SSX3: variants seen among roughly 807,000 people sequenced by gnomAD.
SSX3 encodes the protein protein SSX3.
Under a neutral mutation model 14.8 loss-of-function variants are expected in SSX3, and 6 were observed. The ratio of observed to expected loss-of-function variants is 0.41; its 90% confidence interval spans 0.22 to 0.80. The LOEUF (loss-of-function observed/expected upper bound fraction) is 0.80, where lower values mean the gene tolerates loss of function less well. Among genes scored for constraint, SSX3 ranks in the 30% least tolerant of loss-of-function variants. The probability of loss-of-function intolerance (pLI) is 0.34; values close to 1 mark genes in which losing one functional copy is unlikely to be tolerated. For synonymous variants in SSX3, 55 were observed against 52.9 expected, an observed-to-expected ratio of 1.04 and a Z score of -0.18; for missense variants, 163 against 152.2, an observed-to-expected ratio of 1.07 and a Z score of -0.37.
intron 6 of SSX3, chrX:48,349,552 G>T (rs1192302943): frequency 8.3e-7 from 1 of 1,208,364 alleles, no homozygotes; most frequent in East Asian, 3.0e-5. Flanking sequence ...TATTGCAGTG[G>T]TCTGGAACCG....
At position 48,346,961 on chromosome X, in the gene SSX3, C is replaced by A; in HGVS notation, c.*79G>T. 1.7e-6 allele frequency: 2 copies of A among 1,196,813 alleles called. No individual in the cohort carries two copies. The highest frequency in any genetic ancestry group is 2.2e-6 in the Non-Finnish European group (2 of 894,143). The stretch of plus-strand genomic sequence containing the variant: ...TGCTATGCACCTGATGACGAGGGGT[C>A]CACAGCCATGCCCATGTTCGTGAAA... On this transcript the variant is annotated 3_prime_UTR_variant, in exon 8 of 8. Transcript: ENST00000298396.
intron 6 of SSX3, chrX:48,349,509 T>C (rs1556949128): frequency 1.7e-6 from 2 of 1,206,509 alleles, no homozygotes; most frequent in South Asian, 3.6e-5. Context: ...TTTTATGCAC[T>C]GTCAAACAAA....
chrX:48,350,942 T>C (rs1401212201), intron 5 of SSX3, among the ~76,000 whole-genome samples: 6 of 109,463 alleles, frequency 5.5e-5, no homozygotes, highest in African/African-American at 2.0e-4. Context: ...CACTAAGTTT[T>C]GTATTTTTAG....
rs2061240606 is a variant in SSX3, at chrX:48,346,619, T to A, written c.*421A>T. On this transcript the variant is annotated 3_prime_UTR_variant, in exon 8 of 8. Coordinates refer to ENST00000298396, the MANE Select transcript of SSX3 (RefSeq NM_021014.4). Reference sequence around the variant, plus strand: ...TGTGTGTGTGTGTGTGTGGTGTGGTTTGTGTGTGTGTGTAAATGCAGAGGA... The same window carrying A: ...TGTGTGTGTGTGTGTGTGGTGTGGTATGTGTGTGTGTGTAAATGCAGAGGA... The A allele has an allele frequency of 3.6e-6, 1 of 279,781 alleles. No homozygotes were observed. Among genetic ancestry groups the A allele is most frequent in the African/African-American group, 2.9e-5 (1 of 35,042 alleles). 23.1% of individuals were successfully genotyped at this position (279,781 alleles called of 1,213,427 possible).
At chrX:48,356,003 C>G (rs1556950991) in intron 1 of SSX3, among the ~76,000 whole-genome samples, 1 of 110,760 alleles carries the variant, frequency 9.0e-6, no homozygotes, top group Admixed American at 9.6e-5. Flanking sequence ...ACAGCAAAAC[C>G]CCCGTCTACA....
chrX:48,348,775 A>T (rs2061249041), intron 6 of SSX3, among the ~76,000 whole-genome samples: 1 of 112,611 alleles, frequency 8.9e-6, no homozygotes, highest in Non-Finnish European at 1.9e-5. Flanking sequence ...TCAAATAGAG[A>T]AAGTTTGAGT....
chrX:48,351,458 A>C (rs1556949876), intron 5 of SSX3, among the ~76,000 whole-genome samples: 3 of 112,253 alleles, frequency 2.7e-5, no homozygotes, highest in African/African-American at 9.7e-5. Context: ...CAGAGACCAG[A>C]TGGTCCTTCC....
At chrX:48,350,974 T>G (rs1278571721) in intron 5 of SSX3, among the ~76,000 whole-genome samples, 25 of 109,752 alleles carry the variant, frequency 2.3e-4, no homozygotes, top group African/African-American at 7.6e-4. Flanking sequence ...TTTCACCATG[T>G]TGGGCAGGAT....
rs138992292 is a variant in SSX3 at position 48,355,217 on chromosome X, G to C, written c.33C>G (p.Pro11=). The C allele has an allele frequency of 1.7e-5, 21 of 1,209,565 alleles. No homozygotes were observed. Among genetic ancestry groups the C allele is most frequent in the Non-Finnish European group, 2.3e-5 (21 of 894,981 alleles). Residue 11 remains proline (P), a synonymous_variant, in exon 2 of 8, where the codon CCC becomes CCG. Transcript: ENST00000298396. The part of the protein sequence containing the change: MNGDDTFARR[P]TVGAQIPEKI... ...TCTCTGGTATTTGAGCACCAACCGT[G>C]GGTCTCCTTGCAAAGGTGTCATCTC...
intron 6 of SSX3, among the ~76,000 whole-genome samples, chrX:48,349,051 G>C (rs2061250301): frequency 8.9e-6 from 1 of 112,410 alleles, no homozygotes; most frequent in South Asian, 3.7e-4. Flanking sequence ...CACTGATGAA[G>C]GTGGCTACAC....
At position 48,349,826 on chromosome X, in the gene SSX3, T is replaced by C. The variant is rs1374270212; in HGVS notation, c.466+161A>G. 4 of 1,137,491 alleles carry C rather than the reference T, an allele frequency of 3.5e-6. No homozygotes were observed. In the African/African-American group the frequency reaches 7.4e-5, roughly 21 times the overall value. The allele number at this position is 1,137,491 out of a possible 1,213,427, so 93.7% of individuals were successfully genotyped here. ...TTTTATATGGATGACAACTCCAGTCTGTCTCTGGAAGTCATGTCTAACATC... is the reference window on the plus strand; with the variant it reads ...TTTTATATGGATGACAACTCCAGTCCGTCTCTGGAAGTCATGTCTAACATC... On this transcript the variant is annotated intron_variant, in intron 6 of 7. Coordinates refer to ENST00000298396, the MANE Select transcript of SSX3 (RefSeq NM_021014.4).
At chrX:48,350,397 G>A (rs1171408407) in intron 5 of SSX3, among the ~76,000 whole-genome samples, 2 of 111,545 alleles carry the variant, frequency 1.8e-5, no homozygotes, top group Non-Finnish European at 3.8e-5. Context: ...TTAATTGAGA[G>A]TGTGATATAC....
chrX:48,350,257 T>A (rs2061256538), intron 5 of SSX3, 135 bp from the exon 6 acceptor site: 1 of 981,918 alleles, frequency 1.0e-6, no homozygotes, highest in Non-Finnish European at 1.4e-6. Context: ...CAGGCCTAAA[T>A]TAGGAGAAAC....
chrX:48,351,427 C>G (rs1317311614), intron 5 of SSX3, among the ~76,000 whole-genome samples: 1 of 112,141 alleles, frequency 8.9e-6, no homozygotes, highest in Non-Finnish European at 1.9e-5. Context: ...CTAAGCCATG[C>G]AAGTGGCCCC....
chrX:48,348,599 C>G (rs781789224), intron 6 of SSX3, among the ~76,000 whole-genome samples: 2 of 112,446 alleles, frequency 1.8e-5, no homozygotes, highest in Non-Finnish European at 3.7e-5. Context: ...AAAGCCAAGA[C>G]AGGCTGAAAG....
chrX:48,356,125 C>G lies in SSX3; in HGVS notation c.-21+509G>C, dbSNP rs781816316. Reference sequence around the variant, plus strand: ...GCCCAGGAGCTTGAGACCAGGCTCACAAACGTAGCAAAACCATCTCTACTA... The same window carrying G: ...GCCCAGGAGCTTGAGACCAGGCTCAGAAACGTAGCAAAACCATCTCTACTA... On this transcript the variant is annotated intron_variant, in intron 1 of 7. Coordinates refer to ENST00000298396, the MANE Select transcript of SSX3 (RefSeq NM_021014.4). Among the ~76,000 whole-genome samples, 5 of 112,032 alleles carry G rather than the reference C, an allele frequency of 4.5e-5. No homozygotes were observed. In the South Asian group the frequency reaches 1.9e-3, roughly 42 times the overall value.
intron 5 of SSX3, among the ~76,000 whole-genome samples, chrX:48,351,884 C>T (rs1180627206): frequency 8.9e-6 from 1 of 111,959 alleles, no homozygotes; most frequent in Non-Finnish European, 1.9e-5. Flanking sequence ...ATGTGAACTG[C>T]TTGAAATAGT....
intron 7 of SSX3, 51 bp downstream of exon 7, chrX:48,347,449 C>T: frequency 1.7e-6 from 2 of 1,202,315 alleles, no homozygotes; most frequent in Middle Eastern, 6.5e-4. Flanking sequence ...AGTATCATAA[C>T]AGAATAGCAC....
chrX:48,350,662 AC>A (rs2061258154), intron 5 of SSX3, among the ~76,000 whole-genome samples: 1 of 110,887 alleles, frequency 9.0e-6, no homozygotes, highest in Non-Finnish European at 1.9e-5. Flanking sequence ...ATGACATACT[AC>A]CCTACCGAGG....
Sources: allele counts gnomAD v4.1 joint callset (sites outside exome capture counted in the v4.1 genomes callset), GRCh38; gene constraint gnomAD v4.1.1; transcripts MANE v1.5; gene names NCBI Gene and HGNC (gene_info 2026-07-23, HGNC 2026-07-21).